OXR1: variants seen among roughly 807,000 people sequenced by gnomAD.
The protein encoded by OXR1 is oxidation resistance 1, also known as oxidation resistance protein 1.
OXR1 carries 41 observed loss-of-function variants against 104.6 expected under a neutral mutation model. The observed-to-expected ratio is 0.39, with a 90% CI of 0.31 to 0.51. The LOEUF (loss-of-function observed/expected upper bound fraction) is 0.51, where lower values mean the gene tolerates loss of function less well. OXR1 is among the 20% of genes least tolerant of loss of function. The pLI is 0.77. For synonymous variants in OXR1, 348 were observed against 348.4 expected (o/e 1.00, Z 0.01); for missense variants, 955 against 1,031.9 (o/e 0.93, Z 1.02).
At chr8:106,664,844 G>A (rs1826114837) in intron 3 of OXR1, among the ~76,000 whole-genome samples, 1 of 152,148 alleles carries the variant, frequency 6.6e-6, no homozygotes, top group African/African-American at 2.4e-5. Context: ...AGTATAGTAA[G>A]TCCTCCTTTG....
chr8:106,477,489 G>C (rs1358763958), intron 2 of OXR1, among the ~76,000 whole-genome samples: 1 of 152,014 alleles, frequency 6.6e-6, no homozygotes, highest in South Asian at 2.1e-4. Context: ...ACTTTGAATG[G>C]CTCTGTGTAG....
intron 2 of OXR1, among the ~76,000 whole-genome samples, chr8:106,458,857 A>C (rs1423526963): frequency 1.3e-5 from 2 of 152,134 alleles, no homozygotes; most frequent in Non-Finnish European, 2.9e-5. Flanking sequence ...TAAAATGAGA[A>C]TGTATACCCA....
intron 3 of OXR1, among the ~76,000 whole-genome samples, chr8:106,659,449 G>T (rs1484459595): frequency 6.6e-6 from 1 of 152,196 alleles, no homozygotes; most frequent in Non-Finnish European, 1.5e-5. Context: ...AATGAAAAGG[G>T]GAGGGGAATA....
intron 3 of OXR1, among the ~76,000 whole-genome samples, chr8:106,593,609 T>C (rs891828806): frequency 2.8e-5 from 4 of 143,664 alleles, no homozygotes; most frequent in Non-Finnish European, 6.1e-5. Context: ...AAACCCCGTC[T>C]CTGCTAAAAT....
rs906450891 is a variant in OXR1 at position 106,429,661 on chromosome 8, A to C, written c.23+70025A>C. On this transcript the variant is annotated intron_variant, in intron 2 of 16. Coordinates refer to ENST00000517566, the MANE Select transcript of OXR1 (RefSeq NM_001198533.2). ...GGCGACAGAGCAAGACTCTGTCTCA[A>C]AAAAAAAAAAAAAAATGCTTACTTT... 3.3e-5 allele frequency among the ~76,000 whole-genome samples: 3 copies of C among 90,242 alleles called. No individual in the cohort carries two copies. The African/African-American group carries it at 6.0e-4, about 18-fold the overall frequency. 59.2% of individuals were successfully genotyped at this position (90,242 alleles called of 152,430 possible). A position where few individuals can be genotyped will look rare whatever the true frequency, so the allele number is the denominator to read the frequency against.
intron 2 of OXR1, among the ~76,000 whole-genome samples, chr8:106,472,332 CT>C (rs1315966647): frequency 6.6e-6 from 1 of 151,690 alleles, no homozygotes; most frequent in African/African-American, 2.4e-5. Flanking sequence ...CAGTTTAAAT[CT>C]ACTGAGGATT....
rs139344003 is a variant in OXR1 at position 106,606,808 on chromosome 8, G to C, written c.221-72402G>C. 1.9e-3 allele frequency among the ~76,000 whole-genome samples: 287 copies of C among 152,134 alleles called. 2 individuals carry two copies. Among genetic ancestry groups the C allele is most frequent in the African/African-American group, 6.6e-3 (276 of 41,520 alleles). ...TCACAGATTCCAGGGATCAATATAA[G>C]AATATTTTTTAGGGGGTCATCATTC... On this transcript the variant is annotated intron_variant, in intron 3 of 16. Coordinates refer to ENST00000517566, the MANE Select transcript of OXR1 (RefSeq NM_001198533.2).
At chr8:106,365,139 G>T (rs976051281) in intron 2 of OXR1, among the ~76,000 whole-genome samples, 1 of 152,068 alleles carries the variant, frequency 6.6e-6, no homozygotes, top group African/African-American at 2.4e-5. Context: ...AAAATAAAGA[G>T]AAAGGTTAGA....
At chr8:106,309,375 TTAAA>T (rs2130125101) in intron 1 of OXR1, among the ~76,000 whole-genome samples, 1 of 152,276 alleles carries the variant, frequency 6.6e-6, no homozygotes, top group African/African-American at 2.4e-5. Flanking sequence ...CATACACATC[TTAAA>T]TAATTATATA....
chr8:106,701,286 A>G (rs546371543), intron 7 of OXR1, among the ~76,000 whole-genome samples: 6 of 152,168 alleles, frequency 3.9e-5, no homozygotes, highest in Non-Finnish European at 5.9e-5. Flanking sequence ...CTTCTCTCCA[A>G]TATTGTGTGC....
intron 2 of OXR1, among the ~76,000 whole-genome samples, chr8:106,495,195 A>G (rs1274236049): frequency 6.6e-6 from 1 of 151,976 alleles, no homozygotes; most frequent in Non-Finnish European, 1.5e-5. Context: ...TAATCCACAT[A>G]ACATTTTGAG....
At chr8:106,667,051 T>C (rs975263400) in intron 3 of OXR1, among the ~76,000 whole-genome samples, 16 of 152,206 alleles carry the variant, frequency 1.1e-4, no homozygotes, top group African/African-American at 3.6e-4. Flanking sequence ...TACCATATTA[T>C]ACAAGGCAGA....
At chr8:106,424,070 G>A (rs1328273122) in intron 2 of OXR1, among the ~76,000 whole-genome samples, 2 of 152,016 alleles carry the variant, frequency 1.3e-5, no homozygotes, top group Non-Finnish European at 2.9e-5. Context: ...CCAAGTAGCT[G>A]GGACTACAGA....
chr8:106,658,729 G>A (rs1825436080), intron 3 of OXR1, among the ~76,000 whole-genome samples: 1 of 152,124 alleles, frequency 6.6e-6, no homozygotes, highest in South Asian at 2.1e-4. Context: ...CTTTTTGAAC[G>A]GCTGCACGTT....
At chr8:106,545,006 G>T (rs138995742) in intron 3 of OXR1, among the ~76,000 whole-genome samples, 2 of 152,136 alleles carry the variant, frequency 1.3e-5, no homozygotes, top group Non-Finnish European at 1.5e-5. Flanking sequence ...TGGCACTAAC[G>T]TCATTTTGGG....
intron 11 of OXR1, among the ~76,000 whole-genome samples, chr8:106,722,691 C>T (rs1467740138): frequency 1.3e-5 from 2 of 152,042 alleles, no homozygotes; most frequent in African/African-American, 2.4e-5. Context: ...TAGGCCATAC[C>T]GTATAACCTG....
chr8:106,526,629 G>A (rs1042351176), intron 3 of OXR1, among the ~76,000 whole-genome samples: 46 of 152,248 alleles, frequency 3.0e-4, no homozygotes, highest in East Asian at 5.8e-4. Context: ...TGCAAGCTCC[G>A]CCTCCCGGGT....
intron 2 of OXR1, among the ~76,000 whole-genome samples, chr8:106,416,480 C>A (rs1467245349): frequency 6.6e-6 from 1 of 151,674 alleles, no homozygotes; most frequent in East Asian, 1.9e-4. Context: ...TTATTTTAGA[C>A]CTTATAAGCA....
chr8:106,507,380 G>A (rs11997655), intron 2 of OXR1, among the ~76,000 whole-genome samples: 4,836 of 152,308 alleles, frequency 0.032, 260 homozygotes, highest in African/African-American at 0.11. Flanking sequence ...AAGAAGGCAA[G>A]TGTCGAATGC....
Sources: allele counts gnomAD v4.1 joint callset (sites outside exome capture counted in the v4.1 genomes callset), GRCh38; gene constraint gnomAD v4.1.1; transcripts MANE v1.5; gene names NCBI Gene and HGNC (gene_info 2026-07-23, HGNC 2026-07-21).